The following CACNA1I variants were observed in gnomAD, a reference collection of about 807,000 sequenced individuals.
CACNA1I encodes calcium voltage-gated channel subunit alpha1 I, also known as voltage-dependent T-type calcium channel subunit alpha-1I.
A neutral mutation model predicts 201.6 loss-of-function variants in CACNA1I; 74 were observed. That is an observed-to-expected ratio of 0.37 (90% CI 0.30 to 0.45). The LOEUF is 0.45. Ranked by LOEUF, CACNA1I falls within the 20% of genes least tolerant of loss-of-function variation. The probability of loss-of-function intolerance (pLI) is 1.00; values close to 1 mark genes in which losing one functional copy is unlikely to be tolerated. For synonymous variants in CACNA1I, 1,431 were observed against 1,345.2 expected, an observed-to-expected ratio of 1.06 and a Z score of -1.40; for missense variants, 2,346 against 3,138.1, an observed-to-expected ratio of 0.75 and a Z score of 6.03.
rs1054412820 is a variant in CACNA1I at position 39,685,687 on chromosome 22, G to A, written c.6028-74G>A. On this transcript the variant is annotated intron_variant, in intron 36 of 36. Coordinates refer to ENST00000402142, the MANE Select transcript of CACNA1I (RefSeq NM_021096.4). This position sits in a 1 kb window ranked among gnomAD's most constrained non-coding sequence, Gnocchi z 5.0. ...GGGGTCTGCCTGCTGCCTGCTGTGCGGGGGAGGGCGGCGTCCAGGTTGCTG... is the reference window on the plus strand; with the variant it reads ...GGGGTCTGCCTGCTGCCTGCTGTGCAGGGGAGGGCGGCGTCCAGGTTGCTG... The A allele has an allele frequency of 3.5e-5, 44 of 1,251,826 alleles. No homozygotes were observed. Among genetic ancestry groups the A allele is most frequent in the Non-Finnish European group, 4.5e-5 (43 of 962,718 alleles). The allele number at this position is 1,251,826 out of a possible 1,614,324, so 77.5% of individuals were successfully genotyped here.
intron 4 of CACNA1I, among the ~76,000 whole-genome samples, chr22:39,631,064 G>A (rs1310499335): frequency 2.0e-5 from 3 of 152,222 alleles, no homozygotes; most frequent in Non-Finnish European, 2.9e-5. Context: ...TTCCCATGGG[G>A]CGTATGGGCT....
chr22:39,575,402 A>G (rs1439419396), intron 1 of CACNA1I, among the ~76,000 whole-genome samples: 2 of 152,164 alleles, frequency 1.3e-5, no homozygotes, highest in East Asian at 3.9e-4. Context: ...TGGGAACTGG[A>G]AAAGCCACCA....
rs372829650 is a variant in CACNA1I, at chr22:39,649,725, G to A, written c.1792G>A (p.Glu598Lys). Residue 598 changes from glutamate to lysine, a missense_variant, in exon 10 of 37, where the codon GAG becomes AAG. Physicochemically the swap from Glu to Lys is moderately conservative, Grantham distance 56. Transcript: ENST00000402142. This position sits in a 1 kb window ranked among gnomAD's most constrained non-coding sequence, Gnocchi z 7.3. ...EADGDGARSS[E>K]DGASSELGKE... ...GGATGGGGACGGGGCCCGGAGCAGC[G>A]AGGACGGAGCCTCCTCAGAACTGGG... 43 of 1,548,432 alleles carry A rather than the reference G, an allele frequency of 2.8e-5. No individual in the cohort carries two copies. The highest frequency in any genetic ancestry group is 6.8e-5 in the African/African-American group (5 of 73,532).
Position 39,646,736 on chromosome 22 carries a change from C to T in CACNA1I, c.1317C>T (p.Phe439=), listed in dbSNP as rs1335727680. The T allele has an allele frequency of 1.3e-6, 2 of 1,598,462 alleles. No homozygotes were observed. Among genetic ancestry groups the T allele is most frequent in the East Asian group, 2.3e-5 (1 of 44,074 alleles). The change falls in exon 8 of 37, where the codon TTC becomes TTT. Residue 439 remains phenylalanine (F), a synonymous_variant. Transcript: ENST00000402142. ...CTGGCGACTGCTACGAGGAGATCTT[C>T]CAGTATGTCTGCCACATCCTGCGCA... ...AEPGDCYEEI[F]QYVCHILRKA...
rs1215006211 is a variant in CACNA1I at position 39,688,817 on chromosome 22, G to A, written c.*2412G>A. 1 of 152,458 alleles carries A rather than the reference G, an allele frequency of 6.6e-6. No individual in the cohort carries two copies. The highest frequency in any genetic ancestry group is 1.9e-4 in the East Asian group (1 of 5,194). 9.4% of individuals were successfully genotyped at this position (152,458 alleles called of 1,614,324 possible). ...GGATGGGCATGAGCGAAGGCTCCAG[G>A]GTCCACAGAGCAGGGAGTGTGGAGA... On this transcript the variant is annotated 3_prime_UTR_variant, in exon 37 of 37. Transcript: ENST00000402142. The surrounding 1 kb of genome is among the most constrained non-coding windows in gnomAD (Gnocchi z 4.8).
intron 3 of CACNA1I, among the ~76,000 whole-genome samples, chr22:39,608,678 A>C (rs920357942): frequency 2.0e-5 from 3 of 151,402 alleles, no homozygotes; most frequent in African/African-American, 7.3e-5. Flanking sequence ...AGCTAAAAAA[A>C]AAAAAAATGT....
In CACNA1I at chr22:39,685,777, C is replaced by T. The variant is rs780985358; in HGVS notation, c.6044C>T (p.Thr2015Met). Reference protein sequence around the residue: ...TLLRQATGSDTSLDASPSSSA... With the variant: ...TLLRQATGSDMSLDASPSSSA... ...TCCCCCCAGGCCACCGGGAGCGACA[C>T]GTCGCTGGACGCCAGCCCCAGCAGC... Residue 2015 changes from threonine (T) to methionine (M), a missense_variant, in exon 37 of 37, where the codon ACG (threonine) becomes ATG (methionine). By Grantham distance (81) the Thr-to-Met change is moderately conservative. Coordinates refer to ENST00000402142, the MANE Select transcript of CACNA1I (RefSeq NM_021096.4). This position sits in a 1 kb window ranked among gnomAD's most constrained non-coding sequence, Gnocchi z 5.0. 17 of 1,491,314 alleles carry T rather than the reference C, an allele frequency of 1.1e-5. No homozygotes were observed. Among genetic ancestry groups the T allele is most frequent in the South Asian group, 1.0e-4 (8 of 79,962 alleles). 92.4% of individuals were successfully genotyped at this position (1,491,314 alleles called of 1,614,324 possible).
rs1316990688 is a variant in CACNA1I at position 39,662,268 on chromosome 22, G to A, written c.3205G>A (p.Glu1069Lys). Residue 1069 changes from glutamate (E) to lysine (K), a missense_variant, in exon 17 of 37, where the codon GAG becomes AAG. Physicochemically the swap from Glu to Lys is moderately conservative, Grantham distance 56 (BLOSUM62 1). Coordinates refer to ENST00000402142, the MANE Select transcript of CACNA1I (RefSeq NM_021096.4). ...LDNRDSVDLA[E>K]LVPAVGAHPR... is the part of the protein sequence containing the mutation. ...CAACAGGGACTCGGTGGACCTGGCC[G>A]AGCTGGTGCCCGCGGTGGGCGCCCA... 4.6e-6 allele frequency: 7 copies of A among 1,518,440 alleles called. No homozygotes were observed. Among genetic ancestry groups the A allele is most frequent in the East Asian group, 2.7e-5 (1 of 37,726 alleles). The allele number at this position is 1,518,440 out of a possible 1,614,324, so 94.1% of individuals were successfully genotyped here.
intron 3 of CACNA1I, among the ~76,000 whole-genome samples, chr22:39,607,765 G>A (rs1933259683): frequency 6.6e-6 from 1 of 152,106 alleles, no homozygotes; most frequent in Non-Finnish European, 1.5e-5. Context: ...GAGGCAGGCA[G>A]ATCACCTGAG....
intron 4 of CACNA1I, among the ~76,000 whole-genome samples, chr22:39,628,651 C>T (rs373889157): frequency 5.3e-5 from 8 of 152,204 alleles, no homozygotes; most frequent in South Asian, 4.2e-4. Context: ...GCTGTGACCC[C>T]GGCAAGCTGG....
At chr22:39,642,969 AG>A (rs1934387572) in intron 7 of CACNA1I, 80 bp downstream of exon 7, 17 of 954,606 alleles carry the variant, frequency 1.8e-5, no homozygotes, top group Non-Finnish European at 2.6e-5. Flanking sequence ...GGTCTTTGGG[AG>A]TCCCTAGGGA....
chr22:39,649,835 C>T lies in CACNA1I; in HGVS notation c.1902C>T (p.Arg634=), dbSNP rs373807263. 8.2e-5 allele frequency: 132 copies of T among 1,613,408 alleles called. No individual in the cohort carries two copies. Among genetic ancestry groups the T allele is most frequent in the African/African-American group, 1.9e-4 (14 of 74,936 alleles). ...DVWRETRAKL[R]GIVDSKYFNR... ...GGCGGGAGACGCGAGCCAAGCTGCGCGGCATCGTGGACAGCAAGTACTTCA... is the reference window on the plus strand; with the variant it reads ...GGCGGGAGACGCGAGCCAAGCTGCGTGGCATCGTGGACAGCAAGTACTTCA... The change falls in exon 10 of 37, where the codon CGC becomes CGT. Residue 634 remains arginine (R), a synonymous_variant. Transcript: ENST00000402142. The surrounding 1 kb of genome is among the most constrained non-coding windows in gnomAD (Gnocchi z 7.3).
chr22:39,653,401 C>T (rs1399298320), intron 10 of CACNA1I, among the ~76,000 whole-genome samples: 1 of 152,218 alleles, frequency 6.6e-6, no homozygotes, highest in Non-Finnish European at 1.5e-5. Flanking sequence ...GGTATTTTTG[C>T]TCCGCTCGCT....
At chr22:39,646,473 C>G in intron 7 of CACNA1I, 96 bp from the exon 8 acceptor site, 3 of 1,459,170 alleles carry the variant, frequency 2.1e-6, no homozygotes, top group Non-Finnish European at 2.7e-6. Context: ...CTCCCCATGT[C>G]TCCCTGCTGT....
intron 3 of CACNA1I, among the ~76,000 whole-genome samples, chr22:39,601,857 CCTTCCTT>C (rs1933045863): frequency 5.3e-5 from 2 of 38,044 alleles, no homozygotes; most frequent in Non-Finnish European, 1.2e-4. Flanking sequence ...CTCCCTCCCT[CCTTCCTT>C]CCTTCCTTCC....
At position 39,685,847 on chromosome 22, in the gene CACNA1I, G is replaced by C; in HGVS notation, c.6114G>C (p.Leu2038=). The C allele has an allele frequency of 6.7e-7, 1 of 1,482,824 alleles. No individual in the cohort carries two copies. Among genetic ancestry groups the C allele is most frequent in the Non-Finnish European group, 8.9e-7 (1 of 1,125,076 alleles). The allele number at this position is 1,482,824 out of a possible 1,614,324, so 91.9% of individuals were successfully genotyped here. A position where few individuals can be genotyped will look rare whatever the true frequency, so the allele number is the denominator to read the frequency against. Residue 2038 remains leucine, a synonymous_variant, in exon 37 of 37, where the codon CTG becomes CTC. Coordinates refer to ENST00000402142, the MANE Select transcript of CACNA1I (RefSeq NM_021096.4). This position sits in a 1 kb window ranked among gnomAD's most constrained non-coding sequence, Gnocchi z 5.0. ...LQTTLEDSLT[L]SDSPRRALGP... ...CCACGCTCGAGGACAGCCTGACCCT[G>C]AGCGACAGCCCCCGGCGTGCCCTGG... is the stretch of plus-strand genomic sequence containing the variant.
At chr22:39,619,548 G>A in intron 4 of CACNA1I, 141 bp downstream of exon 4, 1 of 663,432 alleles carries the variant, frequency 1.5e-6, no homozygotes, top group Non-Finnish European at 2.7e-6. Flanking sequence ...GGTGTGCTCA[G>A]GGATCCTGCG....
At position 39,664,819 on chromosome 22, in the gene CACNA1I, C is replaced by T; in HGVS notation, c.3747C>T (p.Phe1249=). ...ACGTGCTGGATGGCTTTCTTGTCTTCGTGTCCATCATCGACATCGTGGTGT... is the reference window on the plus strand; with the variant it reads ...ACGTGCTGGATGGCTTTCTTGTCTTTGTGTCCATCATCGACATCGTGGTGT... ...SWNVLDGFLV[F]VSIIDIVVSL... is the part of the protein sequence containing the mutation. The change falls in exon 21 of 37, where the codon TTC becomes TTT. Residue 1249 remains phenylalanine, a synonymous_variant. Coordinates refer to ENST00000402142, the MANE Select transcript of CACNA1I (RefSeq NM_021096.4). 2.5e-6 allele frequency: 4 copies of T among 1,612,822 alleles called. No homozygotes were observed. Among genetic ancestry groups the T allele is most frequent in the Non-Finnish European group, 3.4e-6 (4 of 1,179,612 alleles).
intron 5 of CACNA1I, among the ~76,000 whole-genome samples, chr22:39,638,031 T>G (rs1256692645): frequency 6.6e-6 from 1 of 152,164 alleles, no homozygotes; most frequent in East Asian, 1.9e-4. Flanking sequence ...CCTCCCAGGT[T>G]CAAGTGATTC....
Sources: gnomAD v4.1 joint callset for allele counts (sites outside exome capture counted in the v4.1 genomes callset) on GRCh38, gnomAD v4.1.1 for gene constraint, Gnocchi (gnomAD v3.1) non-coding constraint, MANE v1.5 for transcripts, NCBI Gene and HGNC (gene_info 2026-07-23, HGNC 2026-07-21) for gene names.